The following NACC1 variants were observed in gnomAD, a reference collection of about 807,000 sequenced individuals.
NACC1 encodes the protein nucleus accumbens associated 1, also known as nucleus accumbens-associated protein 1.
In NACC1, 6 loss-of-function variants were observed where a neutral mutation model predicts 41.7. The ratio of observed to expected loss-of-function variants is 0.14; its 90% CI spans 0.08 to 0.28. NACC1 has a LOEUF of 0.28. NACC1 is among the 10% of genes least tolerant of loss of function. The probability of loss-of-function intolerance (pLI) is 1.00; values close to 1 mark genes in which losing one functional copy is unlikely to be tolerated. For missense variants in NACC1, 434 were observed against 763.7 expected, an observed-to-expected ratio of 0.57 and a Z score of 5.09; for synonymous variants, 338 against 330.6, an observed-to-expected ratio of 1.02 and a Z score of -0.24.
In NACC1 at chr19:13,136,998, G is replaced by A. The variant is rs1034116787; in HGVS notation, c.1121-273G>A. Among the ~76,000 whole-genome samples the A allele has an allele frequency of 3.3e-5, 5 of 152,222 alleles. No homozygotes were observed. The East Asian group carries it at 5.8e-4, about 18-fold the overall frequency. ...GCGTGCCCACCTCACACAGGCTTGC[G>A]GCACGACTGGCCACACAGCAGGCAC... On this transcript the variant is annotated intron_variant, in intron 3 of 5. Transcript: ENST00000292431. This position sits in a 1 kb window ranked among gnomAD's most constrained non-coding sequence, Gnocchi z 5.5.
In NACC1 at chr19:13,123,533, T is replaced by A. The variant is rs534082055; in HGVS notation, c.-9+5079T>A. Among the ~76,000 whole-genome samples, 6 of 152,008 alleles carry A rather than the reference T, an allele frequency of 3.9e-5. No individual in the cohort carries two copies. The South Asian group carries it at 1.2e-3, about 32-fold the overall frequency. On this transcript the variant is annotated intron_variant, in intron 1 of 5. Transcript: ENST00000292431. The stretch of plus-strand genomic sequence containing the variant: ...AGAAGGGGCTAGAGAATAGCTGCAG[T>A]TGGGAGGATTGGGAAAGGAAGAATG...
Position 13,138,026 on chromosome 19 carries a change from G to C in NACC1, c.1325-121G>C. 7.0e-7 allele frequency: 1 copy of C among 1,429,568 alleles called. No homozygotes were observed. Among genetic ancestry groups the C allele is most frequent in the Non-Finnish European group, 9.5e-7 (1 of 1,047,290 alleles). 88.6% of individuals were successfully genotyped at this position (1,429,568 alleles called of 1,614,324 possible). ...GTGCACGTAGTGTGGTGTCCTGGCC[G>C]CGTGGCCTCACTCGTTTCCCCTTTG... On this transcript the variant is annotated intron_variant, in intron 5 of 5. Coordinates refer to ENST00000292431, the MANE Select transcript of NACC1 (RefSeq NM_052876.4). This position sits in a 1 kb window ranked among gnomAD's most constrained non-coding sequence, Gnocchi z 5.7.
At chr19:13,127,865 G>C (rs1212283395) in intron 1 of NACC1, among the ~76,000 whole-genome samples, 3 of 151,994 alleles carry the variant, frequency 2.0e-5, no homozygotes, top group African/African-American at 7.3e-5. Context: ...AAAGAGTAGA[G>C]AAAGGGCTTT....
At position 13,136,368 on chromosome 19, in the gene NACC1, C is replaced by T. The variant is rs770494780; in HGVS notation, c.1083C>T (p.Asp361=). 4.3e-5 allele frequency: 69 copies of T among 1,613,896 alleles called. No homozygotes were observed. In the East Asian group the frequency reaches 5.6e-4, roughly 13 times the overall value. Residue 361 remains aspartate, a synonymous_variant, in exon 3 of 6, where the codon GAC becomes GAT. Transcript: ENST00000292431. This position sits in a 1 kb window ranked among gnomAD's most constrained non-coding sequence, Gnocchi z 5.5. ...ACCGCTGCCACCCCAAGCTCTACGACGAGGGCGACCCCTCTGAGAAGCTGG... is the reference window on the plus strand; with the variant it reads ...ACCGCTGCCACCCCAAGCTCTACGATGAGGGCGACCCCTCTGAGAAGCTGG... ...IGNRCHPKLY[D]EGDPSEKLEL... is the part of the protein sequence containing the mutation.
chr19:13,136,866 A>T lies in NACC1; in HGVS notation c.1121-405A>T, dbSNP rs1017537096. ...GAGTGAGACTTCATCTCTTAAAAAA[A>T]GAAGAAGAAGACTGTGTTTGGTCCT... On this transcript the variant is annotated intron_variant, in intron 3 of 5. Coordinates refer to ENST00000292431, the MANE Select transcript of NACC1 (RefSeq NM_052876.4). The surrounding 1 kb of genome is among the most constrained non-coding windows in gnomAD (Gnocchi z 5.5). Among the ~76,000 whole-genome samples, 1 of 150,598 alleles carries T rather than the reference A, an allele frequency of 6.6e-6. No homozygotes were observed. The highest frequency in any genetic ancestry group is 1.9e-4 in the East Asian group (1 of 5,176).
In NACC1 at chr19:13,118,357, G is replaced by C. The variant is rs1218242130; in HGVS notation, c.-106G>C. On this transcript the variant is annotated 5_prime_UTR_variant, in exon 1 of 6. Transcript: ENST00000292431. Reference sequence around the variant, plus strand: ...CGCGGAGGCCGCGGAGGCGGAGGCCGAGGCCCCGGCGCAGCGGGGCGCGCC... The same window carrying C: ...CGCGGAGGCCGCGGAGGCGGAGGCCCAGGCCCCGGCGCAGCGGGGCGCGCC... 6.8e-6 allele frequency: 1 copy of C among 146,792 alleles called. No individual in the cohort carries two copies. Among genetic ancestry groups the C allele is most frequent in the East Asian group, 2.0e-4 (1 of 5,116 alleles). The allele number at this position is 146,792 out of a possible 1,614,324, so 9.1% of individuals were successfully genotyped here. A position where few individuals can be genotyped will look rare whatever the true frequency, so the allele number is the denominator to read the frequency against.
intron 1 of NACC1, among the ~76,000 whole-genome samples, chr19:13,133,793 G>C (rs1187249187): frequency 2.0e-5 from 3 of 152,164 alleles, no homozygotes; most frequent in Non-Finnish European, 4.4e-5. Flanking sequence ...ATAAATTCCA[G>C]GAGTGGAATC....
intron 1 of NACC1, among the ~76,000 whole-genome samples, 156 bp from the exon 2 acceptor site, chr19:13,135,044 G>A (rs192606435): frequency 6.6e-6 from 1 of 152,318 alleles, no homozygotes; most frequent in African/African-American, 2.4e-5. Context: ...TAGGGTAGAG[G>A]GCTCTGTGTG....
chr19:13,127,486 T>A, intron 1 of NACC1, among the ~76,000 whole-genome samples: 1 of 139,922 alleles, frequency 7.1e-6, no homozygotes, highest in Non-Finnish European at 1.5e-5. Context: ...AGGTCAGGAG[T>A]TCAAGACCAG....
chr19:13,117,822 G>A (rs2019411423), upstream of NACC1, among the ~76,000 whole-genome samples: 1 of 152,208 alleles, frequency 6.6e-6, no homozygotes, highest in East Asian at 1.9e-4. Flanking sequence ...CCAAAGTGCT[G>A]GGATTACAGG....
At position 13,140,638 on chromosome 19, in the gene NACC1, G is replaced by A. The variant is rs2019777652; in HGVS notation, c.*2232G>A. 7.1e-6 allele frequency: 1 copy of A among 141,476 alleles called. No individual in the cohort carries two copies. The highest frequency in any genetic ancestry group is 1.6e-5 in the Non-Finnish European group (1 of 64,250). The allele number at this position is 141,476 out of a possible 1,614,324, so 8.8% of individuals were successfully genotyped here. On this transcript the variant is annotated 3_prime_UTR_variant, in exon 6 of 6. Coordinates refer to ENST00000292431, the MANE Select transcript of NACC1 (RefSeq NM_052876.4). This position sits in a 1 kb window ranked among gnomAD's most constrained non-coding sequence, Gnocchi z 4.0. ...GTGGGTCCGGGGGGTGGGGGGGTGG[G>A]GAGAAGGGTCGGGCAGGGGGTGCAG...
chr19:13,125,777 T>TA (rs1402694140), intron 1 of NACC1, among the ~76,000 whole-genome samples: 1 of 152,032 alleles, frequency 6.6e-6, no homozygotes, highest in Non-Finnish European at 1.5e-5. Context: ...TCTTGCTCTG[T>TA]TGCCCAGCCT....
At chr19:13,132,513 GACCTCAGGACAGTCCTCA>G in intron 1 of NACC1, 1 of 151,272 alleles carries the variant, frequency 6.6e-6, no homozygotes, top group Non-Finnish European at 1.5e-5. Context: ...ATTTTTAGAT[GACCTCAGGACAGTCCTCA>G]ATTTCCACAT....
intron 1 of NACC1, among the ~76,000 whole-genome samples, chr19:13,124,157 G>A (rs2019533930): frequency 6.6e-6 from 1 of 152,164 alleles, no homozygotes; most frequent in African/African-American, 2.4e-5. Flanking sequence ...CCAGCTCTTT[G>A]GGAGGCTGAG....
chr19:13,127,371 C>CTTTTTTTTTTTTTTTTTT (rs147514422), intron 1 of NACC1, among the ~76,000 whole-genome samples: 7 of 28,510 alleles, frequency 2.5e-4, no homozygotes, highest in Admixed American at 6.3e-4. Flanking sequence ...TATACATATA[C>CTTTTTTTTTTTTTTTTTT]TTTTTTTTTT....
chr19:13,126,659 C>T (rs1470435216), intron 1 of NACC1, among the ~76,000 whole-genome samples: 1 of 152,140 alleles, frequency 6.6e-6, no homozygotes, highest in African/African-American at 2.4e-5. Flanking sequence ...TCTCAATAGG[C>T]CCCTGACTGC....
chr19:13,123,006 G>T (rs79105431), intron 1 of NACC1, among the ~76,000 whole-genome samples: 6,682 of 152,234 alleles, frequency 0.044, 173 homozygotes, highest in Non-Finnish European at 0.058. Context: ...GATATGGGGG[G>T]TGAGCAGTAT....
At chr19:13,131,977 C>T (rs1483626971) in intron 1 of NACC1, 2 of 152,322 alleles carry the variant, frequency 1.3e-5, no homozygotes, top group South Asian at 2.1e-4. Context: ...TCTCCTGCCT[C>T]AGCCTCCCGA....
intron 1 of NACC1, among the ~76,000 whole-genome samples, chr19:13,125,350 G>A (rs1475790103): frequency 6.6e-6 from 1 of 151,550 alleles, no homozygotes. Flanking sequence ...TCTTTTATAC[G>A]GGCACAGTTC....
Sources: gnomAD v4.1 joint callset for allele counts (sites outside exome capture counted in the v4.1 genomes callset) on GRCh38, gnomAD v4.1.1 for gene constraint, Gnocchi (gnomAD v3.1) non-coding constraint, MANE v1.5 for transcripts, NCBI Gene and HGNC (gene_info 2026-07-23, HGNC 2026-07-21) for gene names.